PARPBP: variants seen among roughly 807,000 people sequenced by gnomAD.
The protein encoded by PARPBP is PCNA-interacting partner.
A neutral mutation model predicts 50.0 loss-of-function variants in PARPBP; 52 were observed. That is an observed-to-expected ratio of 1.04 (90% CI 0.83 to 1.31). PARPBP has a LOEUF of 1.31. Ranked by LOEUF, PARPBP falls within the 50% of genes most tolerant of loss-of-function variation. The pLI, the probability that PARPBP is intolerant of heterozygous loss-of-function variation, is 0.00. For synonymous variants in PARPBP, 244 were observed against 232.1 expected (o/e 1.05, Z -0.47); for missense variants, 697 against 672.0 (o/e 1.04, Z -0.41).
intron 9 of PARPBP, among the ~76,000 whole-genome samples, chr12:102,187,513 A>G (rs1890402375): frequency 6.6e-6 from 1 of 152,122 alleles, no homozygotes; most frequent in African/African-American, 2.4e-5. Context: ...CTTTCCTTCC[A>G]CTTGATTGAA....
chr12:102,146,867 G>T (rs982125195), intron 2 of PARPBP, among the ~76,000 whole-genome samples: 1 of 151,678 alleles, frequency 6.6e-6, no homozygotes, highest in Non-Finnish European at 1.5e-5. Flanking sequence ...AAACAAATTT[G>T]CAAGAAAAAA....
intron 4 of PARPBP, among the ~76,000 whole-genome samples, chr12:102,158,998 T>G (rs1887272672): frequency 6.6e-6 from 1 of 152,256 alleles, no homozygotes; most frequent in African/African-American, 2.4e-5. Context: ...TCTAATAGAA[T>G]TTTACCTACT....
In PARPBP at chr12:102,120,187, T is replaced by TCAGCGGCGACAGCGGCGA. The variant is rs1213590626; in HGVS notation, c.-101_-84dup. On this transcript the variant is annotated 5_prime_UTR_variant, in exon 1 of 11. Transcript: ENST00000327680. Reference sequence around the variant, plus strand: ...GCCTCCCGCGAGGTTTGAACTGTATTCAGCGGCGACAGCGGCGACTGCGGC... The same window carrying TCAGCGGCGACAGCGGCGA: ...GCCTCCCGCGAGGTTTGAACTGTATTCAGCGGCGACAGCGGCGACAGCGGCGACAGCGGCGACTGCGGC... The TCAGCGGCGACAGCGGCGA allele has an allele frequency of 4.0e-6, 1 of 247,362 alleles. No homozygotes were observed. The highest frequency in any genetic ancestry group is 3.4e-5 in the South Asian group (1 of 29,710). The allele number at this position is 247,362 out of a possible 1,614,324, so 15.3% of individuals were successfully genotyped here.
chr12:102,145,474 G>C (rs542875236), intron 2 of PARPBP, among the ~76,000 whole-genome samples: 83 of 152,180 alleles, frequency 5.5e-4, no homozygotes, highest in African/African-American at 1.9e-3. Context: ...CTTTTGGAAG[G>C]CATCATTATT....
At chr12:102,136,906 C>G (rs1883723531) in intron 2 of PARPBP, among the ~76,000 whole-genome samples, 1 of 151,878 alleles carries the variant, frequency 6.6e-6, no homozygotes, top group Non-Finnish European at 1.5e-5. Context: ...TGTGTTTGAG[C>G]TCTATTTAGA....
At chr12:102,184,121 A>G (rs955461078) in intron 9 of PARPBP, among the ~76,000 whole-genome samples, 1 of 151,404 alleles carries the variant, frequency 6.6e-6, no homozygotes, top group Non-Finnish European at 1.5e-5. Context: ...AGTACGTTAA[A>G]TATTACCGGG....
At chr12:102,143,894 C>G (rs1885007381) in intron 2 of PARPBP, among the ~76,000 whole-genome samples, 2 of 151,996 alleles carry the variant, frequency 1.3e-5, no homozygotes, top group African/African-American at 4.8e-5. Context: ...CTGTGATTGA[C>G]TGTCAGATTT....
intron 3 of PARPBP, chr12:102,148,698 T>C: frequency 3.0e-6 from 1 of 331,482 alleles, no homozygotes; most frequent in Non-Finnish European, 5.4e-6. Flanking sequence ...TAGCTTCTTA[T>C]TAGATCAAAA....
rs778138122 is a variant in PARPBP, at chr12:102,197,482, A to C, written c.*1191A>C. ...CAGAGGATTTGTAAGAATCATTTAA[A>C]TTTTCATTGAAATAAACGACAAGTC... On this transcript the variant is annotated 3_prime_UTR_variant, in exon 11 of 11. Coordinates refer to ENST00000327680, the MANE Select transcript of PARPBP (RefSeq NM_017915.5). 6.5e-7 allele frequency: 1 copy of C among 1,543,842 alleles called. No homozygotes were observed. The highest frequency in any genetic ancestry group is 8.7e-7 in the Non-Finnish European group (1 of 1,145,940).
Position 102,175,665 on chromosome 12 carries a change from G to A in PARPBP, c.1004G>A (p.Arg335Gln), listed in dbSNP as rs373285188. The change falls in exon 7 of 11, where the codon CGG (arginine) becomes CAG (glutamine). Residue 335 changes from arginine (R) to glutamine (Q), a missense_variant and splice_region_variant. By Grantham distance (43) the Arg-to-Gln change is conservative. Coordinates refer to ENST00000327680, the MANE Select transcript of PARPBP (RefSeq NM_017915.5). ...AGCACCACTGACATCAGTCCTGCTCGGGTAATGAGCTTTTTATTTTTCATT... is the reference window on the plus strand; with the variant it reads ...AGCACCACTGACATCAGTCCTGCTCAGGTAATGAGCTTTTTATTTTTCATT... ...ALSTTDISPARPKSHAINHGT... is the reference protein window; with the variant it reads ...ALSTTDISPAQPKSHAINHGT... The A allele has an allele frequency of 4.6e-5, 73 of 1,572,798 alleles. No individual in the cohort carries two copies. The highest frequency in any genetic ancestry group is 5.2e-5 in the Non-Finnish European group (60 of 1,156,008).
chr12:102,188,389 G>GATCC (rs1419559946), intron 9 of PARPBP, among the ~76,000 whole-genome samples: 4 of 151,978 alleles, frequency 2.6e-5, no homozygotes, highest in Admixed American at 2.0e-4. Flanking sequence ...AGGTGACAGA[G>GATCC]ATCCCTACAA....
chr12:102,169,908 A>T (rs1888521313), intron 6 of PARPBP, among the ~76,000 whole-genome samples: 1 of 152,180 alleles, frequency 6.6e-6, no homozygotes, highest in Non-Finnish European at 1.5e-5. Context: ...AAAACTTAGA[A>T]ATAAAAATGT....
chr12:102,192,638 A>G (rs1744194403), intron 9 of PARPBP, among the ~76,000 whole-genome samples: 1 of 151,932 alleles, frequency 6.6e-6, no homozygotes, highest in African/African-American at 2.4e-5. Context: ...ATCCCCATCC[A>G]TTTTCATCTT....
chr12:102,165,856 A>T lies in PARPBP; in HGVS notation c.794A>T (p.Glu265Val), dbSNP rs1888087617. ...ATTAATTTCATTGACAAATTAGATG[A>T]GATTCTTGGAGAAATACCAAACCCA... ...NFINFIDKLD[E>V]ILGEIPNPSI... Residue 265 changes from glutamate (E) to valine (V), a missense_variant, in exon 6 of 11, where the codon GAG becomes GTG. Glu to Val is a moderately radical substitution (Grantham distance 121, BLOSUM62 -2). Transcript: ENST00000327680. The T allele has an allele frequency of 1.3e-6, 2 of 1,565,414 alleles. No individual in the cohort carries two copies. Among genetic ancestry groups the T allele is most frequent in the South Asian group, 2.3e-5 (2 of 87,934 alleles).
At chr12:102,139,944 C>CT (rs1048937169) in intron 2 of PARPBP, among the ~76,000 whole-genome samples, 3 of 152,090 alleles carry the variant, frequency 2.0e-5, no homozygotes, top group African/African-American at 7.2e-5. Context: ...CTAAAATTCT[C>CT]TTTTTTTGTT....
intron 2 of PARPBP, among the ~76,000 whole-genome samples, chr12:102,134,920 T>A (rs1159372155): frequency 6.6e-6 from 1 of 152,176 alleles, no homozygotes. Context: ...CCAAGGGATC[T>A]GCCTGCCTCG....
intron 8 of PARPBP, among the ~76,000 whole-genome samples, chr12:102,180,341 CTTAAAG>C (rs1050566840): frequency 7.2e-5 from 11 of 152,074 alleles, no homozygotes; most frequent in Admixed American, 2.0e-4. Flanking sequence ...AATTCATTTT[CTTAAAG>C]TTATTTTCCT....
rs1891395135 is a variant in PARPBP, at chr12:102,197,268, T to A, written c.*977T>A. Reference sequence around the variant, plus strand: ...TTCTTGTTGATCAATTCAAAGTTACTCTGCACTGTTTTTGACTTTTTAAAA... The same window carrying A: ...TTCTTGTTGATCAATTCAAAGTTACACTGCACTGTTTTTGACTTTTTAAAA... On this transcript the variant is annotated 3_prime_UTR_variant, in exon 11 of 11. Transcript: ENST00000327680. The A allele has an allele frequency of 1.9e-6, 2 of 1,056,276 alleles. No individual in the cohort carries two copies. Among genetic ancestry groups the A allele is most frequent in the Non-Finnish European group, 2.7e-6 (2 of 729,360 alleles). 65.4% of individuals were successfully genotyped at this position (1,056,276 alleles called of 1,614,324 possible).
chr12:102,151,364 G>C (rs1359012012), intron 3 of PARPBP, among the ~76,000 whole-genome samples: 3 of 152,224 alleles, frequency 2.0e-5, no homozygotes, highest in Non-Finnish European at 2.9e-5. Context: ...GAAGAATGCA[G>C]CTGAAGGCAT....
Sources: allele counts gnomAD v4.1 joint callset (sites outside exome capture counted in the v4.1 genomes callset), GRCh38; gene constraint gnomAD v4.1.1; transcripts MANE v1.5; gene names NCBI Gene and HGNC (gene_info 2026-07-23, HGNC 2026-07-21).